Variants in FGF14 observed in about 807,000 individuals in gnomAD.
The protein encoded by FGF14 is fibroblast growth factor 14, also known as fibroblast growth factor homologous factor 4.
In FGF14, 5 loss-of-function variants were observed where a neutral mutation model predicts 25.5. That is an observed-to-expected ratio of 0.20 (90% CI 0.10 to 0.41). FGF14 has a LOEUF of 0.41. Among genes scored for constraint, FGF14 ranks in the 10% least tolerant of loss-of-function variants. FGF14 has a pLI of 1.00. For missense variants in FGF14, 222 were observed against 320.1 expected, an observed-to-expected ratio of 0.69 and a Z score of 2.34; for synonymous variants, 138 against 118.3, an observed-to-expected ratio of 1.17 and a Z score of -1.08.
intron 1 of FGF14, among the ~76,000 whole-genome samples, chr13:101,968,227 A>C (rs1348982431): frequency 2.6e-5 from 4 of 152,244 alleles, no homozygotes; most frequent in African/African-American, 9.6e-5. Context: ...TGAAATTGTT[A>C]TGTAATGGCT....
In FGF14 at chr13:101,756,751, AAAAC is replaced by A. The variant is rs199873606; in HGVS notation, c.409-29945_409-29942del. ...CCTTCCTCCACCACCAAAAAAACAA[AAAAC>A]AAACAAACAAACAAACAAAAAACTG... On this transcript the variant is annotated intron_variant, in intron 3 of 4. Coordinates refer to ENST00000376143, the MANE Select transcript of FGF14 (RefSeq NM_004115.4). Among the ~76,000 whole-genome samples, 1,386 of 152,286 alleles carry A rather than the reference AAAAC, an allele frequency of 9.1e-3. 24 individuals carry two copies. The highest frequency in any genetic ancestry group is 0.031 in the African/African-American group (1,272 of 41,550).
Position 101,715,486 on chromosome 13 carries a change from C to G in FGF14, c.*7345G>C, listed in dbSNP as rs1183385499. On this transcript the variant is annotated 3_prime_UTR_variant, in exon 5 of 5. Coordinates refer to ENST00000376143, the MANE Select transcript of FGF14 (RefSeq NM_004115.4). ...GAATGAAATGATTTCATTGTGGACA[C>G]TTGTGATTTATAATAGCATGTTTAA... The G allele has an allele frequency of 6.2e-6, 6 of 972,298 alleles. No individual in the cohort carries two copies. The highest frequency in any genetic ancestry group is 1.0e-5 in the Non-Finnish European group (6 of 598,940). The allele number at this position is 972,298 out of a possible 1,614,324, so 60.2% of individuals were successfully genotyped here.
intron 1 of FGF14, among the ~76,000 whole-genome samples, chr13:102,116,956 C>T (rs2045500776): frequency 6.6e-6 from 1 of 152,214 alleles, no homozygotes; most frequent in Non-Finnish European, 1.5e-5. Context: ...ATGGCCTTCG[C>T]TGCAGAATGC....
intron 1 of FGF14, among the ~76,000 whole-genome samples, chr13:101,903,190 T>C (rs989165449): frequency 2.6e-5 from 4 of 152,134 alleles, no homozygotes; most frequent in African/African-American, 7.2e-5. Context: ...GTGAGGCAAT[T>C]TGACATTCAT....
At chr13:101,858,302 C>A (rs895955038) in intron 3 of FGF14, among the ~76,000 whole-genome samples, 1 of 151,114 alleles carries the variant, frequency 6.6e-6, no homozygotes. Context: ...AGTCCTCTCA[C>A]ATGTGTGTAT....
intron 1 of FGF14, among the ~76,000 whole-genome samples, chr13:102,067,823 A>G (rs2445946): frequency 0.57 from 86,710 of 151,792 alleles, 27,507 homozygotes; most frequent in African/African-American, 0.85. Flanking sequence ...AGAATACCAA[A>G]CAGATTTAAC....
At chr13:102,079,768 G>A (rs985413574) in intron 1 of FGF14, among the ~76,000 whole-genome samples, 1 of 152,166 alleles carries the variant, frequency 6.6e-6, no homozygotes, top group African/African-American at 2.4e-5. Flanking sequence ...ATAGATAGAT[G>A]TGTCAACATA....
chr13:101,912,971 A>T (rs1388981377), intron 1 of FGF14, among the ~76,000 whole-genome samples: 1 of 150,904 alleles, frequency 6.6e-6, no homozygotes, highest in Non-Finnish European at 1.5e-5. Flanking sequence ...CCCTACAATC[A>T]GCTGAATATG....
intron 3 of FGF14, among the ~76,000 whole-genome samples, chr13:101,816,921 C>T (rs1190093984): frequency 2.0e-5 from 3 of 152,070 alleles, no homozygotes; most frequent in Non-Finnish European, 4.4e-5. Flanking sequence ...CTTTGCTAAG[C>T]CCAAGTTTAA....
intron 1 of FGF14, among the ~76,000 whole-genome samples, chr13:102,318,708 CTAAT>C (rs1292964878): frequency 1.3e-5 from 2 of 152,130 alleles, no homozygotes; most frequent in East Asian, 3.9e-4. Flanking sequence ...CTTATCATGA[CTAAT>C]TACATCTGCA....
chr13:101,821,070 T>C (rs1319385643), intron 3 of FGF14, among the ~76,000 whole-genome samples: 4 of 148,100 alleles, frequency 2.7e-5, no homozygotes, highest in Non-Finnish European at 1.5e-5. Flanking sequence ...TGCCTCAGCC[T>C]CCCAAGTAGC....
chr13:102,347,087 G>A (rs1308516862), intron 1 of FGF14, among the ~76,000 whole-genome samples: 4 of 152,092 alleles, frequency 2.6e-5, no homozygotes, highest in Admixed American at 2.6e-4. Context: ...AAAAATAAAG[G>A]GGAAATACAT....
chr13:102,306,993 G>T lies in FGF14; in HGVS notation c.208+94478C>A, dbSNP rs148019943. On this transcript the variant is annotated intron_variant, in intron 1 of 4. Transcript: ENST00000376131. ...GAAAGAGTATCCTGAATGACCCAGG[G>T]CATTTCTCTGGGTCCAATCTAATCC... Among the ~76,000 whole-genome samples, 41 of 152,172 alleles carry T rather than the reference G, an allele frequency of 2.7e-4. No individual in the cohort carries two copies. The East Asian group carries it at 6.4e-3, about 24-fold the overall frequency.
chr13:101,733,362 C>A (rs1030824360), intron 3 of FGF14, among the ~76,000 whole-genome samples: 3 of 151,878 alleles, frequency 2.0e-5, no homozygotes, highest in African/African-American at 7.3e-5. Context: ...CTTTGGGAGG[C>A]CAAGGCAGGC....
At chr13:102,030,764 C>T (rs529915368) in intron 1 of FGF14, among the ~76,000 whole-genome samples, 23 of 152,160 alleles carry the variant, frequency 1.5e-4, no homozygotes, top group African/African-American at 5.1e-4. Flanking sequence ...GAAGGAGCTA[C>T]AAACCTCCCT....
chr13:102,049,906 G>A (rs150612974), intron 1 of FGF14, among the ~76,000 whole-genome samples: 2 of 152,178 alleles, frequency 1.3e-5, no homozygotes, highest in East Asian at 3.9e-4. Context: ...TGACTGAAAG[G>A]TACCAACCCC....
intron 1 of FGF14, among the ~76,000 whole-genome samples, chr13:102,187,398 T>C (rs2048920459): frequency 6.6e-6 from 1 of 152,184 alleles, no homozygotes; most frequent in South Asian, 2.1e-4. Context: ...TTTTAAAAAG[T>C]TTTTTATAAA....
chr13:102,172,941 T>C (rs2048307975), intron 1 of FGF14, among the ~76,000 whole-genome samples: 1 of 152,160 alleles, frequency 6.6e-6, no homozygotes, highest in Non-Finnish European at 1.5e-5. Context: ...TGAGATTCTA[T>C]ATGTTTAATA....
At chr13:101,787,615 T>C (rs1238725145) in intron 3 of FGF14, among the ~76,000 whole-genome samples, 1 of 152,166 alleles carries the variant, frequency 6.6e-6, no homozygotes. Flanking sequence ...TGACTGCCTC[T>C]CCTCAGAGCA....
Sources: gnomAD v4.1 joint callset for allele counts (sites outside exome capture counted in the v4.1 genomes callset) on GRCh38, gnomAD v4.1.1 for gene constraint, MANE v1.5 for transcripts, NCBI Gene and HGNC (gene_info 2026-07-23, HGNC 2026-07-21) for gene names.